MBP: variants seen among roughly 807,000 people sequenced by gnomAD.
MBP encodes the protein Golli-MBP.
Under a neutral mutation model 35.8 loss-of-function variants are expected in MBP, and 16 were observed. The observed-to-expected ratio is 0.45, with a 90% CI of 0.30 to 0.68. The LOEUF (loss-of-function observed/expected upper bound fraction) is 0.68. MBP is among the 30% of genes least tolerant of loss of function. The probability of loss-of-function intolerance (pLI) is 0.08; values close to 1 mark genes in which losing one functional copy is unlikely to be tolerated. For missense variants in MBP, 380 were observed against 404.7 expected (o/e 0.94, Z 0.52); for synonymous variants, 143 against 159.6 (o/e 0.90, Z 0.78).
At chr18:76,982,452 A>G (rs470717) in intron 8 of MBP, 101,982 of 152,166 alleles carry the variant, frequency 0.67, 34,308 homozygotes, top group African/African-American at 0.73. Context: ...GCAACACTAC[A>G]GGTGGGAAAA....
chr18:77,103,400 G>A (rs773038790), intron 2 of MBP, among the ~76,000 whole-genome samples: 2 of 152,150 alleles, frequency 1.3e-5, no homozygotes, highest in Non-Finnish European at 2.9e-5. Flanking sequence ...ACATTCTAGT[G>A]CACCACCATC....
intron 1 of MBP, among the ~76,000 whole-genome samples, chr18:77,124,587 G>A (rs1193519951): frequency 1.3e-5 from 2 of 152,204 alleles, no homozygotes; most frequent in South Asian, 2.1e-4. Flanking sequence ...TGTCTCAGGT[G>A]AGTTCGGAGG....
rs1022864493 is a variant in MBP, at chr18:76,988,153, T to C, written c.750+342A>G. On this transcript the variant is annotated intron_variant, in intron 7 of 8. Transcript: ENST00000355994. This position sits in a 1 kb window ranked among gnomAD's most constrained non-coding sequence, Gnocchi z 5.2. ...GGTTCCTGGGGCTTCTCGCACTGGTTGTGTTGGAGGAAGTTAAACATTTTC... is the reference window on the plus strand; with the variant it reads ...GGTTCCTGGGGCTTCTCGCACTGGTCGTGTTGGAGGAAGTTAAACATTTTC... The C allele has an allele frequency of 2.1e-5, 32 of 1,536,102 alleles. No homozygotes were observed. Among genetic ancestry groups the C allele is most frequent in the Non-Finnish European group, 2.5e-5 (29 of 1,146,092 alleles).
intron 1 of MBP, among the ~76,000 whole-genome samples, chr18:77,106,926 C>T (rs1008087828): frequency 1.3e-5 from 2 of 152,112 alleles, no homozygotes; most frequent in Admixed American, 6.5e-5. Flanking sequence ...CATGTGGTGC[C>T]TTACTGGATA....
At chr18:77,046,339 C>G (rs1465013441) in intron 3 of MBP, among the ~76,000 whole-genome samples, 6 of 152,176 alleles carry the variant, frequency 3.9e-5, no homozygotes, top group Admixed American at 3.9e-4. Context: ...GCTTTAGAAC[C>G]CTGGCCCACT....
intron 1 of MBP, among the ~76,000 whole-genome samples, chr18:77,111,609 C>T (rs989754317): frequency 6.6e-6 from 1 of 152,210 alleles, no homozygotes; most frequent in Non-Finnish European, 1.5e-5. Context: ...GCCTCCTCTC[C>T]AGCACCCAGG....
At chr18:76,981,402 C>T (rs1163027241) in intron 8 of MBP, 2 of 152,256 alleles carry the variant, frequency 1.3e-5, no homozygotes, top group Non-Finnish European at 2.9e-5. Context: ...TCTAATTCTA[C>T]GTCTTCCACA....
chr18:77,023,268 A>G (rs1232669162), intron 3 of MBP, among the ~76,000 whole-genome samples: 1 of 152,206 alleles, frequency 6.6e-6, no homozygotes, highest in Admixed American at 6.5e-5. Context: ...CTCAGGCGTC[A>G]TGACCTGAGG....
In MBP at chr18:77,102,297, C is replaced by G. The variant is rs1231065443; in HGVS notation, c.51+2914G>C. Among the ~76,000 whole-genome samples, 8 of 152,126 alleles carry G rather than the reference C, an allele frequency of 5.3e-5. No individual in the cohort carries two copies. The highest frequency in any genetic ancestry group is 1.9e-4 in the African/African-American group (8 of 41,422). Reference sequence around the variant, plus strand: ...GCACCTGAAACTGACAGAAACTTTCCTTGACTCTCTCATAAGGGGGAAAAA... The same window carrying G: ...GCACCTGAAACTGACAGAAACTTTCGTTGACTCTCTCATAAGGGGGAAAAA... On this transcript the variant is annotated intron_variant, in intron 2 of 8. Coordinates refer to ENST00000355994, the MANE Select transcript of MBP (RefSeq NM_001025101.2). The surrounding 1 kb of genome is among the most constrained non-coding windows in gnomAD (Gnocchi z 4.4).
rs60010988 is a variant in MBP at position 77,084,431 on chromosome 18, C to CCACACACA, written c.52-18054_52-18047dup. Among the ~76,000 whole-genome samples, 399 of 105,894 alleles carry CCACACACA rather than the reference C, an allele frequency of 3.8e-3. 8 individuals carry two copies. Among genetic ancestry groups the CCACACACA allele is most frequent in the African/African-American group, 9.3e-3 (266 of 28,724 alleles). 69.5% of individuals were successfully genotyped at this position (105,894 alleles called of 152,430 possible). A position where few individuals can be genotyped will look rare whatever the true frequency, so the allele number is the denominator to read the frequency against. ...ACACCGCCCCCCCCGCCACACCACA[C>CCACACACA]CACACACACACACACACACACACAC... On this transcript the variant is annotated intron_variant, in intron 2 of 8. Transcript: ENST00000355994.
intron 3 of MBP, among the ~76,000 whole-genome samples, chr18:77,049,139 T>G (rs1262264971): frequency 6.6e-6 from 1 of 151,232 alleles, no homozygotes; most frequent in Non-Finnish European, 1.5e-5. Context: ...CTGGATGGTC[T>G]CGATCTCTTG....
intron 3 of MBP, among the ~76,000 whole-genome samples, chr18:77,047,332 C>T (rs1405690266): frequency 6.6e-6 from 1 of 152,254 alleles, no homozygotes; most frequent in Non-Finnish European, 1.5e-5. Flanking sequence ...CTAGCGTGCG[C>T]TACTCCATGA....
At chr18:76,985,999 G>A (rs1347316990) in intron 7 of MBP, 30 of 985,490 alleles carry the variant, frequency 3.0e-5, no homozygotes, top group Middle Eastern at 5.2e-4. Flanking sequence ...TTGCTACTGT[G>A]CTGTCTTCTC....
chr18:77,017,695 G>T (rs577625756), intron 3 of MBP: 68 of 157,328 alleles, frequency 4.3e-4, no homozygotes, highest in Middle Eastern at 3.2e-3. Flanking sequence ...TTGACAAAAG[G>T]TGTTTTTAGT....
intron 4 of MBP, among the ~76,000 whole-genome samples, chr18:76,998,103 A>G (rs4890875): frequency 0.33 from 50,323 of 152,162 alleles, 8,823 homozygotes; most frequent in Admixed American, 0.42. Flanking sequence ...TTGTACCAGC[A>G]TCACCGCCAT....
Position 77,131,119 on chromosome 18 carries a change from A to ACC in MBP, c.-26+1459_-26+1460dup, listed in dbSNP as rs531315182. Among the ~76,000 whole-genome samples, 5 of 54,262 alleles carry ACC rather than the reference A, an allele frequency of 9.2e-5. No individual in the cohort carries two copies. Among genetic ancestry groups the ACC allele is most frequent in the Admixed American group, 1.7e-4 (1 of 5,888 alleles). 35.6% of individuals were successfully genotyped at this position (54,262 alleles called of 152,430 possible). A position where few individuals can be genotyped will look rare whatever the true frequency, so the allele number is the denominator to read the frequency against. On this transcript the variant is annotated intron_variant, in intron 1 of 8. Coordinates refer to ENST00000355994, the MANE Select transcript of MBP (RefSeq NM_001025101.2). The surrounding 1 kb of genome is among the most constrained non-coding windows in gnomAD (Gnocchi z 5.5). ...CACACACACACACACACACACACAC[A>ACC]CCCCCTCTGCCGCGGTACCCTTCCC...
chr18:77,017,503 C>T (rs553528848), intron 3 of MBP: 10 of 376,024 alleles, frequency 2.7e-5, no homozygotes, highest in South Asian at 2.7e-4. Flanking sequence ...TGGCACCCAG[C>T]GTAAAATGCA....
At chr18:77,049,960 G>T (rs1044735909) in intron 3 of MBP, among the ~76,000 whole-genome samples, 1 of 152,172 alleles carries the variant, frequency 6.6e-6, no homozygotes, top group Non-Finnish European at 1.5e-5. Flanking sequence ...GATTACAGGC[G>T]TGAGCCACTG....
At chr18:77,114,183 G>T (rs1976571771) in intron 1 of MBP, 1 of 152,204 alleles carries the variant, frequency 6.6e-6, no homozygotes, top group African/African-American at 2.4e-5. Flanking sequence ...GCAGATTCAG[G>T]TAGATTTATG....
Sources: allele counts gnomAD v4.1 joint callset (sites outside exome capture counted in the v4.1 genomes callset), GRCh38; gene constraint gnomAD v4.1.1; non-coding constraint Gnocchi (gnomAD v3.1); transcripts MANE v1.5; gene names NCBI Gene and HGNC (gene_info 2026-07-23, HGNC 2026-07-21).